The following IMPDH1 variants were observed in gnomAD, a reference collection of about 807,000 sequenced individuals.
IMPDH1 encodes the protein inosine monophosphate dehydrogenase 1.
In IMPDH1, 41 loss-of-function variants were observed where a neutral mutation model predicts 73.5. That is an observed-to-expected ratio of 0.56 (90% CI 0.43 to 0.72). IMPDH1 has a LOEUF of 0.72. IMPDH1 is among the 30% of genes least tolerant of loss of function. IMPDH1 has a pLI of 0.00. For missense variants in IMPDH1, 645 were observed against 824.8 expected (o/e 0.78, Z 2.67); for synonymous variants, 318 against 334.3 (o/e 0.95, Z 0.53).
chr7:128,402,158 A>T (rs535347608), intron 5 of IMPDH1, among the ~76,000 whole-genome samples: 1 of 151,744 alleles, frequency 6.6e-6, no homozygotes, highest in African/African-American at 2.4e-5. Context: ...GCTAGAGTAC[A>T]GTAGTGCAAT....
chr7:128,396,830 C>A lies in IMPDH1; in HGVS notation c.1165+102G>T. ...AAAGCCCATCATGCTCCCTGCCACCCATGCCAGGAGCCATACCATCACCTA... is the reference window on the plus strand; with the variant it reads ...AAAGCCCATCATGCTCCCTGCCACCAATGCCAGGAGCCATACCATCACCTA... On this transcript the variant is annotated intron_variant, in intron 11 of 16. Transcript: ENST00000338791. The surrounding 1 kb of genome is among the most constrained non-coding windows in gnomAD (Gnocchi z 4.0). The A allele has an allele frequency of 8.7e-7, 1 of 1,146,872 alleles. No homozygotes were observed. The highest frequency in any genetic ancestry group is 2.4e-5 in the East Asian group (1 of 40,914). The allele number at this position is 1,146,872 out of a possible 1,614,324, so 71.0% of individuals were successfully genotyped here. A position where few individuals can be genotyped will look rare whatever the true frequency, so the allele number is the denominator to read the frequency against.
chr7:128,407,455 G>T (rs528923274), intron 3 of IMPDH1, among the ~76,000 whole-genome samples: 20 of 152,194 alleles, frequency 1.3e-4, no homozygotes, highest in Non-Finnish European at 2.6e-4. Flanking sequence ...CAGGGAGCCC[G>T]GGCCACATGG....
intron 3 of IMPDH1, among the ~76,000 whole-genome samples, chr7:128,408,134 T>C (rs1440720576): frequency 6.6e-6 from 1 of 152,090 alleles, no homozygotes; most frequent in Non-Finnish European, 1.5e-5. Context: ...GAGGAAGGGC[T>C]GTTGTTCCCT....
chr7:128,403,672 G>GC lies in IMPDH1; in HGVS notation c.402+33dup, dbSNP rs777889309. The GC allele has an allele frequency of 8.2e-6, 13 of 1,593,358 alleles. No homozygotes were observed. The South Asian group carries it at 1.2e-4, about 15-fold the overall frequency. Reference sequence around the variant, plus strand: ...GTCAGCCTCTTCCACCACATACACAGCCCCCTCCCCTTGTCAAAGGAAGAG... The same window carrying GC: ...GTCAGCCTCTTCCACCACATACACAGCCCCCCTCCCCTTGTCAAAGGAAGAG... On this transcript the variant is annotated intron_variant, in intron 5 of 16. Transcript: ENST00000338791.
At chr7:128,406,280 G>GCCCCACCC (rs1798758792) in intron 3 of IMPDH1, among the ~76,000 whole-genome samples, 7 of 21,076 alleles carry the variant, frequency 3.3e-4, no homozygotes, top group Non-Finnish European at 5.2e-4. Flanking sequence ...CCCAGCAGAG[G>GCCCCACCC]CCCCACCCCC....
chr7:128,399,461 G>A (rs1798161666), intron 9 of IMPDH1, among the ~76,000 whole-genome samples: 1 of 151,196 alleles, frequency 6.6e-6, no homozygotes, highest in African/African-American at 2.4e-5. Context: ...CAGATCACTT[G>A]AGGCCAGGAG....
At chr7:128,393,078 C>T (rs1797644096) in intron 16 of IMPDH1, 50 bp from the exon 17 acceptor site, 3 of 1,604,966 alleles carry the variant, frequency 1.9e-6, no homozygotes, top group African/African-American at 2.7e-5. Context: ...GTGGACCCTG[C>T]TCCTTCCCAA....
At chr7:128,405,985 G>A (rs951447660) in intron 3 of IMPDH1, 120 bp from the exon 4 acceptor site, 77 of 830,470 alleles carry the variant, frequency 9.3e-5, no homozygotes, top group Non-Finnish European at 9.6e-5. Flanking sequence ...CGGGCCGGGC[G>A]GGCCGGGGGC....
rs886747323 is a variant in IMPDH1 at position 128,392,294 on chromosome 7, C to A, written c.*713G>T. 1 of 152,832 alleles carries A rather than the reference C, an allele frequency of 6.5e-6. No individual in the cohort carries two copies. Among genetic ancestry groups the A allele is most frequent in the African/African-American group, 2.4e-5 (1 of 41,448 alleles). 9.5% of individuals were successfully genotyped at this position (152,832 alleles called of 1,614,324 possible). On this transcript the variant is annotated 3_prime_UTR_variant, in exon 17 of 17. Transcript: ENST00000338791. ...AGACAGGATAGTGGAGGCGTTGAGA[C>A]CTGCTTGATTTATTCCAAGTATTTA...
rs766936439 is a variant in IMPDH1 at position 128,394,543 on chromosome 7, C to T, written c.1607G>A (p.Gly536Glu). Residue 536 changes from glycine to glutamate, a missense_variant, in exon 15 of 17, where the codon GGA becomes GAA. By Grantham distance (98) the Gly-to-Glu change is moderately conservative (BLOSUM62 -2). Transcript: ENST00000338791. The surrounding 1 kb of genome is among the most constrained non-coding windows in gnomAD (Gnocchi z 5.5). ...QGVSGSIQDK[G>E]SIQKFVPYLI... ...GTAGGGCACGAACTTCTGAATGGAT[C>T]CTTTGTCCTGGATGGAGCCCGAGAC... 5 of 1,613,964 alleles carry T rather than the reference C, an allele frequency of 3.1e-6. No homozygotes were observed. The South Asian group carries it at 4.4e-5, about 14-fold the overall frequency.
At chr7:128,393,948 G>A (rs570097562) in intron 16 of IMPDH1, among the ~76,000 whole-genome samples, 1 of 152,240 alleles carries the variant, frequency 6.6e-6, no homozygotes, top group South Asian at 2.1e-4. Context: ...CTGCCTGGCT[G>A]CCTGGTGCCA....
At position 128,395,355 on chromosome 7, in the gene IMPDH1, C is replaced by T. The variant is rs1048335552; in HGVS notation, c.1262-81G>A. ...TGGAGCGGGGCCAGCCCAGCTCTTC[C>T]TCCTGTGCACTACCTCTACTCAGGA... On this transcript the variant is annotated intron_variant, in intron 12 of 16. Transcript: ENST00000338791. 3.4e-6 allele frequency: 5 copies of T among 1,490,918 alleles called. No homozygotes were observed. In the African/African-American group the frequency reaches 6.9e-5, roughly 21 times the overall value. 92.4% of individuals were successfully genotyped at this position (1,490,918 alleles called of 1,614,324 possible).
intron 7 of IMPDH1, 133 bp downstream of exon 7, chr7:128,400,684 C>T (rs1320792045): frequency 8.4e-7 from 1 of 1,183,686 alleles, no homozygotes; most frequent in East Asian, 2.3e-5. Context: ...AATGAGGGCT[C>T]GGCCCCAAGG....
intron 3 of IMPDH1, among the ~76,000 whole-genome samples, chr7:128,408,148 AC>A (rs1798900318): frequency 6.6e-6 from 1 of 151,736 alleles, no homozygotes; most frequent in Non-Finnish European, 1.5e-5. Flanking sequence ...GTTCCCTGAG[AC>A]CCCCACCTAG....
rs1194629688 is a variant in IMPDH1, at chr7:128,409,874, G to T, written c.28C>A (p.Leu10Met). 4 of 1,485,550 alleles carry T rather than the reference G, an allele frequency of 2.7e-6. No homozygotes were observed. The highest frequency in any genetic ancestry group is 1.5e-5 in the African/African-American group (1 of 68,372). 92.0% of individuals were successfully genotyped at this position (1,485,550 alleles called of 1,614,324 possible). ...ACAGCGGCGGCTCCGCCTCCCTGCA[G>T]CGGTGGTGGAGTGAGTGGCCCCTCC... Reference protein sequence around the residue: MEGPLTPPPLQGGGAAAVPE... With the variant: MEGPLTPPPMQGGGAAAVPE... The change falls in exon 1 of 17, where the codon CTG becomes ATG. Residue 10 changes from leucine to methionine, a missense_variant. Physicochemically the swap from Leu to Met is conservative, Grantham distance 15. This residue lies in a region of IMPDH1 where 186 missense variants were observed against 186.6 expected (regional missense o/e 1.00). Transcript: ENST00000338791.
Position 128,397,006 on chromosome 7 carries a change from T to C in IMPDH1, c.1091A>G (p.Asn364Ser), listed in dbSNP as rs746585259. Reference protein sequence around the residue: ...DVIVLDSSQGNSVYQIAMVHY... With the variant: ...DVIVLDSSQGSSVYQIAMVHY... Reference sequence around the variant, plus strand: ...CACCATGGCGATCTGATACACCGAATTCCCTTGGGACGAGTCCTGTGAGAA... The same window carrying C: ...CACCATGGCGATCTGATACACCGAACTCCCTTGGGACGAGTCCTGTGAGAA... Residue 364 changes from asparagine (N) to serine (S), a missense_variant, in exon 11 of 17, where the codon AAT becomes AGT. Coordinates refer to ENST00000338791, the MANE Select transcript of IMPDH1 (RefSeq NM_000883.4). The C allele has an allele frequency of 4.3e-6, 7 of 1,613,754 alleles. No individual in the cohort carries two copies. Among genetic ancestry groups the C allele is most frequent in the Non-Finnish European group, 5.9e-6 (7 of 1,179,636 alleles).
In IMPDH1 at chr7:128,397,045, T is replaced by C. The variant is rs374310214; in HGVS notation, c.1075-23A>G. On this transcript the variant is annotated intron_variant, in intron 10 of 16. Transcript: ENST00000338791. Reference sequence around the variant, plus strand: ...GTCCTGTGAGAAAGGACGGAAGAGCTTGGGCTTAGACAGCTGAGGATTCTC... The same window carrying C: ...GTCCTGTGAGAAAGGACGGAAGAGCCTGGGCTTAGACAGCTGAGGATTCTC... 31 of 1,571,220 alleles carry C rather than the reference T, an allele frequency of 2.0e-5. No individual in the cohort carries two copies. The African/African-American group carries it at 2.6e-4, about 13-fold the overall frequency.
intron 4 of IMPDH1, among the ~76,000 whole-genome samples, chr7:128,405,501 C>G (rs978305281): frequency 1.3e-5 from 2 of 152,176 alleles, no homozygotes; most frequent in African/African-American, 2.4e-5. Flanking sequence ...CCCGAGGGCC[C>G]CTCCATGCCG....
At position 128,398,714 on chromosome 7, in the gene IMPDH1, C is replaced by T; in HGVS notation, c.875-101G>A. On this transcript the variant is annotated intron_variant, in intron 9 of 16. Coordinates refer to ENST00000338791, the MANE Select transcript of IMPDH1 (RefSeq NM_000883.4). This position sits in a 1 kb window ranked among gnomAD's most constrained non-coding sequence, Gnocchi z 4.3. ...TGAAAGTGGACCACTCCAGAGATTC[C>T]ACTGAAGTACCCCAGTCAGCCACTA... The T allele has an allele frequency of 2.1e-6, 2 of 933,724 alleles. No homozygotes were observed. The highest frequency in any genetic ancestry group is 1.8e-5 in the Admixed American group (1 of 55,218). The allele number at this position is 933,724 out of a possible 1,614,324, so 57.8% of individuals were successfully genotyped here.
Sources: gnomAD v4.1 joint callset for allele counts (sites outside exome capture counted in the v4.1 genomes callset) on GRCh38, gnomAD v4.1.1 for gene constraint, gnomAD v4.1.1 regional missense constraint, Gnocchi (gnomAD v3.1) non-coding constraint, MANE v1.5 for transcripts, NCBI Gene and HGNC (gene_info 2026-07-23, HGNC 2026-07-21) for gene names.